MAST4: variants seen among roughly 807,000 people sequenced by gnomAD.
MAST4 encodes the protein microtubule-associated serine/threonine-protein kinase 4.
A neutral mutation model predicts 162.7 loss-of-function variants in MAST4; 89 were observed. The observed-to-expected ratio is 0.55, with a 90% CI of 0.46 to 0.65. The LOEUF (loss-of-function observed/expected upper bound fraction) is 0.65, where lower values mean the gene tolerates loss of function less well. Among genes scored for constraint, MAST4 ranks in the 30% least tolerant of loss-of-function variants. The probability of loss-of-function intolerance (pLI) is 0.00; values close to 1 mark genes in which losing one functional copy is unlikely to be tolerated. For missense variants in MAST4, 3,153 were observed against 3,374.0 expected, an observed-to-expected ratio of 0.93 and a Z score of 1.62; for synonymous variants, 1,479 against 1,361.1, an observed-to-expected ratio of 1.09 and a Z score of -1.91.
In MAST4 at chr5:67,045,070, A is replaced by G. The variant is rs1007388727; in HGVS notation, c.675-9334A>G. 4.6e-5 allele frequency among the ~76,000 whole-genome samples: 7 copies of G among 152,236 alleles called. No homozygotes were observed. In the East Asian group the frequency reaches 9.6e-4, roughly 21 times the overall value. On this transcript the variant is annotated intron_variant, in intron 4 of 28. Transcript: ENST00000403625. ...AGTTTAGTCTCATAAGTTGGACTAT[A>G]TGTTTGTCCTCCAAGGTAAATTATA...
intron 4 of MAST4, among the ~76,000 whole-genome samples, chr5:67,049,059 A>ATATATG (rs1353317830): frequency 4.8e-5 from 4 of 83,004 alleles, no homozygotes; most frequent in Admixed American, 1.2e-4. Flanking sequence ...ATATATATAT[A>ATATATG]CGTATATATA....
Position 67,131,868 on chromosome 5 carries a change from C to T in MAST4, c.2010C>T (p.Ala670=), listed in dbSNP as rs753856033. 106 of 1,613,066 alleles carry T rather than the reference C, an allele frequency of 6.6e-5. No individual in the cohort carries two copies. The highest frequency in any genetic ancestry group is 9.4e-5 in the African/African-American group (7 of 74,846). The change falls in exon 16 of 29, where the codon GCC becomes GCT. Residue 670 remains alanine, a synonymous_variant. Transcript: ENST00000403625. ...KNMGPLPVDM[A]RMYFAETVLA... Reference sequence around the variant, plus strand: ...TGGGTCCTCTCCCTGTTGATATGGCCAGAATGTACTTTGCTGAGACGGTCT... The same window carrying T: ...TGGGTCCTCTCCCTGTTGATATGGCTAGAATGTACTTTGCTGAGACGGTCT...
chr5:67,160,625 T>C (rs1773084508), intron 27 of MAST4, 33 bp downstream of exon 27: 1 of 1,594,698 alleles, frequency 6.3e-7, no homozygotes, highest in Non-Finnish European at 8.5e-7. Context: ...TTAAGTTTGG[T>C]GTATACCTAT....
At chr5:67,154,070 G>A (rs1772181405) in intron 26 of MAST4, among the ~76,000 whole-genome samples, 1 of 152,186 alleles carries the variant, frequency 6.6e-6, no homozygotes, top group African/African-American at 2.4e-5. Flanking sequence ...GAAAGAAGAA[G>A]TTCTAGCAAT....
At chr5:67,117,018 G>A (rs530681676) in intron 12 of MAST4, among the ~76,000 whole-genome samples, 1 of 152,270 alleles carries the variant, frequency 6.6e-6, no homozygotes, top group East Asian at 1.9e-4. Flanking sequence ...GCACCTCTTT[G>A]TGCCTCAGTT....
chr5:66,859,901 T>G (rs1759974206), intron 3 of MAST4, among the ~76,000 whole-genome samples: 1 of 152,324 alleles, frequency 6.6e-6, no homozygotes, highest in East Asian at 1.9e-4. Context: ...CTTTTAGAAT[T>G]GAACTTTTAA....
At chr5:66,694,206 G>A (rs762570169) in intron 1 of MAST4, among the ~76,000 whole-genome samples, 5 of 152,194 alleles carry the variant, frequency 3.3e-5, no homozygotes, top group Non-Finnish European at 2.9e-5. Context: ...TGGAGCTTGG[G>A]TGTTTTTTCA....
intron 4 of MAST4, among the ~76,000 whole-genome samples, chr5:67,022,841 T>C (rs1158914184): frequency 6.6e-6 from 1 of 152,152 alleles, no homozygotes; most frequent in Non-Finnish European, 1.5e-5. Flanking sequence ...TGAAATAAGA[T>C]TGAGCCTCCA....
intron 1 of MAST4, among the ~76,000 whole-genome samples, chr5:66,757,960 C>A (rs1217428459): frequency 6.6e-6 from 1 of 152,120 alleles, no homozygotes; most frequent in African/African-American, 2.4e-5. Flanking sequence ...ATGGAAACTT[C>A]TCCTTGGAGG....
At chr5:67,077,202 T>C (rs1024092625) in intron 5 of MAST4, among the ~76,000 whole-genome samples, 2 of 152,258 alleles carry the variant, frequency 1.3e-5, no homozygotes, top group South Asian at 2.1e-4. Context: ...CTTTTTTTTT[T>C]CCAGCAGAAT....
intron 2 of MAST4, among the ~76,000 whole-genome samples, chr5:66,784,902 A>G (rs1755041863): frequency 6.6e-6 from 1 of 152,168 alleles, no homozygotes; most frequent in African/African-American, 2.4e-5. Flanking sequence ...AAGTTGCTCA[A>G]CTGCATGTGA....
intron 5 of MAST4, among the ~76,000 whole-genome samples, chr5:67,079,081 C>T (rs895891745): frequency 2.7e-5 from 4 of 149,342 alleles, no homozygotes; most frequent in South Asian, 2.1e-4. Flanking sequence ...AGCAATTTAG[C>T]GAGAAGGACC....
chr5:66,960,872 A>G (rs1458539572), intron 4 of MAST4, among the ~76,000 whole-genome samples: 1 of 152,218 alleles, frequency 6.6e-6, no homozygotes, highest in African/African-American at 2.4e-5. Flanking sequence ...CACGAGTTTT[A>G]TGACCTTGCC....
At chr5:66,823,715 G>A (rs867511146) in intron 3 of MAST4, among the ~76,000 whole-genome samples, 10 of 152,020 alleles carry the variant, frequency 6.6e-5, no homozygotes, top group African/African-American at 1.9e-4. Flanking sequence ...GGCTGGTCTC[G>A]AACTCCTGAC....
chr5:67,027,883 C>G (rs1432658515), intron 4 of MAST4, among the ~76,000 whole-genome samples: 1 of 152,186 alleles, frequency 6.6e-6, no homozygotes, highest in Admixed American at 6.5e-5. Flanking sequence ...GTGTAGTTGA[C>G]TCTCCATCCT....
chr5:66,778,267 T>A (rs1360757046), intron 2 of MAST4, among the ~76,000 whole-genome samples: 1 of 152,212 alleles, frequency 6.6e-6, no homozygotes, highest in East Asian at 1.9e-4. Flanking sequence ...AAACCATTAT[T>A]TATTTTTTGA....
At chr5:67,047,398 ACTCTGG>A (rs1199474837) in intron 4 of MAST4, among the ~76,000 whole-genome samples, 1 of 151,516 alleles carries the variant, frequency 6.6e-6, no homozygotes, top group East Asian at 1.9e-4. Context: ...CTCCTAGAAC[ACTCTGG>A]CCTCAGGGCC....
chr5:66,704,934 G>A (rs1226221389), intron 1 of MAST4, among the ~76,000 whole-genome samples: 2 of 152,140 alleles, frequency 1.3e-5, no homozygotes, highest in Non-Finnish European at 2.9e-5. Flanking sequence ...GTTTTAGAGT[G>A]CTAAGCAGTC....
At chr5:67,120,908 A>T in intron 13 of MAST4, 109 bp from the exon 14 acceptor site, 1 of 756,954 alleles carries the variant, frequency 1.3e-6, no homozygotes, top group Non-Finnish European at 2.2e-6. Flanking sequence ...GGAATACTGT[A>T]CTTCAACATA....
Sources: gnomAD v4.1 joint callset for allele counts (sites outside exome capture counted in the v4.1 genomes callset) on GRCh38, gnomAD v4.1.1 for gene constraint, MANE v1.5 for transcripts, NCBI Gene and HGNC (gene_info 2026-07-23, HGNC 2026-07-21) for gene names.